GALNT10: variants seen among roughly 807,000 people sequenced by gnomAD.
The protein encoded by GALNT10 is GalNAc transferase 10.
Under a neutral mutation model 75.0 loss-of-function variants are expected in GALNT10, and 41 were observed. The ratio of observed to expected loss-of-function variants is 0.55; its 90% CI spans 0.43 to 0.71. GALNT10 has a LOEUF of 0.71. GALNT10 is among the 30% of genes least tolerant of loss of function. The pLI, the probability that GALNT10 is intolerant of heterozygous loss-of-function variation, is 0.00. For synonymous variants in GALNT10, 302 were observed against 313.0 expected (o/e 0.96, Z 0.37); for missense variants, 727 against 818.5 (o/e 0.89, Z 1.36).
At chr5:154,252,947 A>G in intron 1 of GALNT10, among the ~76,000 whole-genome samples, 1 of 119,610 alleles carries the variant, frequency 8.4e-6, no homozygotes, top group African/African-American at 3.2e-5. Context: ...ATCTGCTTTC[A>G]CTTATTTGGG....
At chr5:154,305,588 C>G (rs1424296588) in intron 3 of GALNT10, among the ~76,000 whole-genome samples, 8 of 152,008 alleles carry the variant, frequency 5.3e-5, no homozygotes, top group Non-Finnish European at 7.4e-5. Context: ...AAATAGATTT[C>G]AGAGCAAAGA....
intron 1 of GALNT10, among the ~76,000 whole-genome samples, chr5:154,239,886 T>C (rs1056700224): frequency 2.6e-5 from 4 of 152,256 alleles, no homozygotes; most frequent in African/African-American, 4.8e-5. Context: ...ATGACTCTTG[T>C]TGATTCCTCA....
In GALNT10 at chr5:154,206,531, G is replaced by A. The variant is rs187399280; in HGVS notation, c.159+15506G>A. 9.8e-5 allele frequency among the ~76,000 whole-genome samples: 15 copies of A among 152,332 alleles called. No homozygotes were observed. In the East Asian group the frequency reaches 1.9e-3, roughly 20 times the overall value. ...GCAAGAGGAGATCAGCCAGTGCTGCGGGAAGCCAAGAGGAAGGGAGCAGCA... is the reference window on the plus strand; with the variant it reads ...GCAAGAGGAGATCAGCCAGTGCTGCAGGAAGCCAAGAGGAAGGGAGCAGCA... On this transcript the variant is annotated intron_variant, in intron 1 of 11. Transcript: ENST00000297107.
At position 154,402,210 on chromosome 5, in the gene GALNT10, C is replaced by A. The variant is rs559530379; in HGVS notation, c.1057-1894C>A. Among the ~76,000 whole-genome samples, 2 of 152,214 alleles carry A rather than the reference C, an allele frequency of 1.3e-5. No individual in the cohort carries two copies. The highest frequency in any genetic ancestry group is 2.9e-5 in the Non-Finnish European group (2 of 68,034). On this transcript the variant is annotated intron_variant, in intron 7 of 11. Transcript: ENST00000297107. This position sits in a 1 kb window ranked among gnomAD's most constrained non-coding sequence, Gnocchi z 4.2. ...GAGGGCCCTGCGGGAGCCCTGCCCG[C>A]GTCTCTGGCCTCCCCTCCCATCCCT...
chr5:154,208,692 T>C (rs1775147280), intron 1 of GALNT10, among the ~76,000 whole-genome samples: 1 of 152,180 alleles, frequency 6.6e-6, no homozygotes. Context: ...TTTAGAATTA[T>C]TAGTCAAGGT....
At chr5:154,247,986 A>G (rs1018416555) in intron 1 of GALNT10, among the ~76,000 whole-genome samples, 1 of 152,224 alleles carries the variant, frequency 6.6e-6, no homozygotes, top group African/African-American at 2.4e-5. Context: ...GATACGTCCC[A>G]TCAATACCTA....
At chr5:154,405,010 A>G (rs1178929118) in intron 8 of GALNT10, among the ~76,000 whole-genome samples, 1 of 152,236 alleles carries the variant, frequency 6.6e-6, no homozygotes, top group Non-Finnish European at 1.5e-5. Context: ...GGTGACCACA[A>G]AAGAAAAATG....
At chr5:154,355,085 CTCTG>C (rs953813652) in intron 4 of GALNT10, among the ~76,000 whole-genome samples, 41 of 152,324 alleles carry the variant, frequency 2.7e-4, no homozygotes, top group East Asian at 1.2e-3. Flanking sequence ...ATCGCACACA[CTCTG>C]TCTGTCTTGC....
intron 4 of GALNT10, among the ~76,000 whole-genome samples, chr5:154,375,244 G>A (rs1441979733): frequency 6.6e-6 from 1 of 152,174 alleles, no homozygotes; most frequent in East Asian, 1.9e-4. Context: ...TTGAATAGAT[G>A]TTGTGAAAGC....
In GALNT10 at chr5:154,419,129, T is replaced by C. The variant is rs1218567584; in HGVS notation, c.*2157T>C. On this transcript the variant is annotated 3_prime_UTR_variant, in exon 12 of 12. Coordinates refer to ENST00000297107, the MANE Select transcript of GALNT10 (RefSeq NM_198321.4). ...GTGTGCAGTTCCTACTGGATGAGTG[T>C]GTGTTTCTTAATGTCTCATTTCAAG... The C allele has an allele frequency of 6.6e-6, 1 of 151,404 alleles. No individual in the cohort carries two copies. Among genetic ancestry groups the C allele is most frequent in the East Asian group, 2.0e-4 (1 of 5,104 alleles). 9.4% of individuals were successfully genotyped at this position (151,404 alleles called of 1,614,324 possible). A position where few individuals can be genotyped will look rare whatever the true frequency, so the allele number is the denominator to read the frequency against.
At chr5:154,371,057 A>G (rs780248667) in intron 4 of GALNT10, among the ~76,000 whole-genome samples, 9 of 152,202 alleles carry the variant, frequency 5.9e-5, no homozygotes, top group Non-Finnish European at 1.0e-4. Context: ...TGGAGCCTCC[A>G]AGTCCAAAAT....
intron 7 of GALNT10, 176 bp downstream of exon 7, chr5:154,386,606 G>T (rs1290598874): frequency 3.3e-6 from 2 of 603,524 alleles, no homozygotes; most frequent in African/African-American, 1.9e-5. Context: ...TTGTGGGGTG[G>T]GGGGGTGTGG....
intron 1 of GALNT10, among the ~76,000 whole-genome samples, chr5:154,293,170 G>A (rs937899047): frequency 2.6e-5 from 4 of 152,116 alleles, no homozygotes; most frequent in African/African-American, 9.7e-5. Flanking sequence ...ACAAGCGCAG[G>A]GACGATTTTA....
chr5:154,308,828 C>T (rs2113092385), intron 3 of GALNT10, among the ~76,000 whole-genome samples: 1 of 152,284 alleles, frequency 6.6e-6, no homozygotes, highest in Non-Finnish European at 1.5e-5. Flanking sequence ...AAAACTGTCT[C>T]TGAAAGCCAT....
At chr5:154,210,091 C>G (rs1305129670) in intron 1 of GALNT10, among the ~76,000 whole-genome samples, 1 of 152,166 alleles carries the variant, frequency 6.6e-6, no homozygotes, top group African/African-American at 2.4e-5. Context: ...TTTCCTCTCT[C>G]CATGCAGCAG....
chr5:154,396,364 A>C (rs573712972), intron 7 of GALNT10, among the ~76,000 whole-genome samples: 50 of 152,152 alleles, frequency 3.3e-4, no homozygotes, highest in Non-Finnish European at 4.7e-4. Flanking sequence ...GGGTATGGAG[A>C]GGGTAGGAGG....
At position 154,386,254 on chromosome 5, in the gene GALNT10, C is replaced by CATG; in HGVS notation, c.939-57_939-55dup. ...CTGGGGGAATGGCATTATCGGGCCA[C>CATG]ATGAGAGCATGTGGCCAGGACATCT... is the stretch of plus-strand genomic sequence containing the variant. On this transcript the variant is annotated intron_variant, in intron 6 of 11. Transcript: ENST00000297107. 5 of 1,228,134 alleles carry CATG rather than the reference C, an allele frequency of 4.1e-6. No homozygotes were observed. In the South Asian group the frequency reaches 6.2e-5, roughly 15 times the overall value. 76.1% of individuals were successfully genotyped at this position (1,228,134 alleles called of 1,614,324 possible).
At chr5:154,316,470 G>T (rs1044235525) in intron 3 of GALNT10, among the ~76,000 whole-genome samples, 1 of 152,208 alleles carries the variant, frequency 6.6e-6, no homozygotes, top group African/African-American at 2.4e-5. Context: ...CAAGGCACAG[G>T]CCTGGGCATG....
chr5:154,412,827 A>G lies in GALNT10; in HGVS notation c.1387-62A>G. On this transcript the variant is annotated intron_variant, in intron 9 of 11. Transcript: ENST00000297107. The surrounding 1 kb of genome is among the most constrained non-coding windows in gnomAD (Gnocchi z 4.2). ...CACTTGGTTTCCCCTTTCACCTGGC[A>G]GGGACCCGGTGGGCACCTTAAGGCA... The G allele has an allele frequency of 9.0e-7, 1 of 1,106,200 alleles. No individual in the cohort carries two copies. The highest frequency in any genetic ancestry group is 1.4e-6 in the Non-Finnish European group (1 of 719,090). 68.5% of individuals were successfully genotyped at this position (1,106,200 alleles called of 1,614,324 possible).
Sources: gnomAD v4.1 joint callset for allele counts (sites outside exome capture counted in the v4.1 genomes callset) on GRCh38, gnomAD v4.1.1 for gene constraint, Gnocchi (gnomAD v3.1) non-coding constraint, MANE v1.5 for transcripts, NCBI Gene and HGNC (gene_info 2026-07-23, HGNC 2026-07-21) for gene names.